PNPLA6: variants seen among roughly 807,000 people sequenced by gnomAD.
PNPLA6 encodes the protein patatin like domain 6, lysophospholipase, also known as patatin-like phospholipase domain-containing protein 6.
A neutral mutation model predicts 153.7 loss-of-function variants in PNPLA6; 105 were observed. That is an observed-to-expected ratio of 0.68 (90% CI 0.58 to 0.80). The LOEUF (loss-of-function observed/expected upper bound fraction) is 0.80. Among genes scored for constraint, PNPLA6 ranks in the 30% least tolerant of loss-of-function variants. The pLI is 0.00. For missense variants in PNPLA6, 1,423 were observed against 1,919.3 expected (o/e 0.74, Z 4.83); for synonymous variants, 825 against 822.2 (o/e 1.00, Z -0.06).
In PNPLA6 at chr19:7,539,865, C is replaced by T. The variant is rs999266105; in HGVS notation, c.414-53C>T. 1.0e-5 allele frequency: 13 copies of T among 1,294,810 alleles called. No individual in the cohort carries two copies. In the South Asian group the frequency reaches 1.0e-4, roughly 10 times the overall value. 80.2% of individuals were successfully genotyped at this position (1,294,810 alleles called of 1,614,324 possible). A position where few individuals can be genotyped will look rare whatever the true frequency, so the allele number is the denominator to read the frequency against. On this transcript the variant is annotated intron_variant, in intron 3 of 31. Transcript: ENST00000600737. ...GGGGTATGCGGGGGTCTTAGGTTTG[C>T]CTGAGCCTTCTCCGTGCCCCCCTCA...
chr19:7,550,866 C>T (rs1165692231), intron 16 of PNPLA6, 128 bp from the exon 17 acceptor site: 3 of 896,696 alleles, frequency 3.3e-6, no homozygotes, highest in South Asian at 1.5e-5. Context: ...GGGTAGCGAG[C>T]GAGGCTTGCT....
At chr19:7,536,069 A>G (rs927200102) in intron 1 of PNPLA6, 49 bp downstream of exon 1, 1 of 1,576,538 alleles carries the variant, frequency 6.3e-7, no homozygotes, top group African/African-American at 1.3e-5. Flanking sequence ...TGGGGGGCCC[A>G]AATGCCCGGG....
chr19:7,542,815 T>C lies in PNPLA6; in HGVS notation c.1417T>C (p.Cys473Arg). The C allele has an allele frequency of 6.2e-7, 1 of 1,613,090 alleles. No individual in the cohort carries two copies. Among genetic ancestry groups the C allele is most frequent in the Non-Finnish European group, 8.5e-7 (1 of 1,179,936 alleles). ...QPAGACEYSY[C>R]EDESATGGCP... ...GGCAGGCGCCTGTGAATACAGCTAC[T>C]GTGAGGATGAGTCGGCCACTGGTGG... The change falls in exon 12 of 32, where the codon TGT (cysteine) becomes CGT (arginine). Residue 473 changes from cysteine to arginine, a missense_variant. Coordinates refer to ENST00000600737, the MANE Select transcript of PNPLA6 (RefSeq NM_001166114.2).
rs369159451 is a variant in PNPLA6 at position 7,561,065 on chromosome 19, C to T, written c.3868C>T (p.Arg1290Trp). ...GFTDLAEIVS[R>W]IEPPTSYVSD... is the part of the protein sequence containing the mutation. ...CACTGACTTGGCAGAGATTGTGTCCCGGATTGAGCCCCCCACGAGCTATGT... is the reference window on the plus strand; with the variant it reads ...CACTGACTTGGCAGAGATTGTGTCCTGGATTGAGCCCCCCACGAGCTATGT... Residue 1290 changes from arginine (R) to tryptophan (W), a missense_variant, in exon 30 of 32, where the codon CGG (arginine) becomes TGG (tryptophan). Arg to Trp is a moderately radical substitution (Grantham distance 101). Around this residue, in one of 10 missense-constraint regions of PNPLA6, gnomAD observed 643 missense variants for 835.2 expected, o/e 0.77. Transcript: ENST00000600737. 2.5e-5 allele frequency: 40 copies of T among 1,613,444 alleles called. No homozygotes were observed. The highest frequency in any genetic ancestry group is 4.0e-5 in the African/African-American group (3 of 75,046).
In PNPLA6 at chr19:7,561,066, G is replaced by A. The variant is rs764729340; in HGVS notation, c.3869G>A (p.Arg1290Gln). ...ACTGACTTGGCAGAGATTGTGTCCC[G>A]GATTGAGCCCCCCACGAGCTATGTC... is the stretch of plus-strand genomic sequence containing the variant. Reference protein sequence around the residue: ...GFTDLAEIVSRIEPPTSYVSD... With the variant: ...GFTDLAEIVSQIEPPTSYVSD... Residue 1290 changes from arginine (R) to glutamine (Q), a missense_variant, in exon 30 of 32, where the codon CGG (arginine) becomes CAG (glutamine). This residue lies in a region of PNPLA6 where 643 missense variants were observed against 835.2 expected (regional missense o/e 0.77). Transcript: ENST00000600737. The A allele has an allele frequency of 8.1e-6, 13 of 1,613,272 alleles. No individual in the cohort carries two copies. The highest frequency in any genetic ancestry group is 4.0e-5 in the African/African-American group (3 of 74,896).
At position 7,555,188 on chromosome 19, in the gene PNPLA6, T is replaced by C; in HGVS notation, c.2818-61T>C. 1.3e-6 allele frequency: 2 copies of C among 1,526,146 alleles called. No individual in the cohort carries two copies. The highest frequency in any genetic ancestry group is 1.9e-5 in the Admixed American group (1 of 53,142). The allele number at this position is 1,526,146 out of a possible 1,614,324, so 94.5% of individuals were successfully genotyped here. On this transcript the variant is annotated intron_variant, in intron 22 of 31. Coordinates refer to ENST00000600737, the MANE Select transcript of PNPLA6 (RefSeq NM_001166114.2). This position sits in a 1 kb window ranked among gnomAD's most constrained non-coding sequence, Gnocchi z 6.3. Reference sequence around the variant, plus strand: ...ACAGGCTCGAAGGTCAGGGTACCCCTGGGGGATCCGCCGGACCCCGCCCTC... The same window carrying C: ...ACAGGCTCGAAGGTCAGGGTACCCCCGGGGGATCCGCCGGACCCCGCCCTC...
rs918437723 is a variant in PNPLA6, at chr19:7,536,391, T to C, written c.316-58T>C. On this transcript the variant is annotated intron_variant, in intron 2 of 31. Transcript: ENST00000600737. ...TTGATGGAGACCCCCTGGATCCGTCTGCCTCTTCTCCAAGGTCTGAATTAG... is the reference window on the plus strand; with the variant it reads ...TTGATGGAGACCCCCTGGATCCGTCCGCCTCTTCTCCAAGGTCTGAATTAG... The C allele has an allele frequency of 8.0e-5, 115 of 1,429,500 alleles. 2 individuals are homozygous for C. Among genetic ancestry groups the C allele is most frequent in the South Asian group, 5.5e-4 (48 of 87,292 alleles). 88.6% of individuals were successfully genotyped at this position (1,429,500 alleles called of 1,614,324 possible).
At position 7,535,729 on chromosome 19, in the gene PNPLA6, G is replaced by T. The variant is rs1323624286; in HGVS notation, c.-60G>T. On this transcript the variant is annotated 5_prime_UTR_variant, in exon 1 of 32. Transcript: ENST00000600737. The surrounding 1 kb of genome is among the most constrained non-coding windows in gnomAD (Gnocchi z 5.0). ...CGTTTCCCGGCATGCACTGCGGGCC[G>T]CCGGGCCTCAGGGAAGAGTCGCGCC... 1.8e-5 allele frequency: 28 copies of T among 1,518,494 alleles called. No homozygotes were observed. The highest frequency in any genetic ancestry group is 2.4e-5 in the Non-Finnish European group (27 of 1,132,990). 94.1% of individuals were successfully genotyped at this position (1,518,494 alleles called of 1,614,324 possible). A position where few individuals can be genotyped will look rare whatever the true frequency, so the allele number is the denominator to read the frequency against.
chr19:7,559,599 G>A (rs2024020657), intron 28 of PNPLA6, among the ~76,000 whole-genome samples: 1 of 151,640 alleles, frequency 6.6e-6, no homozygotes, highest in Non-Finnish European at 1.5e-5. Context: ...AGCACCTTGG[G>A]AAGCTGAGGT....
chr19:7,559,999 G>A (rs1446834949), intron 28 of PNPLA6, among the ~76,000 whole-genome samples: 2 of 152,048 alleles, frequency 1.3e-5, no homozygotes, highest in Non-Finnish European at 2.9e-5. Flanking sequence ...AATTAGCTGG[G>A]TGTGGTGGCA....
At chr19:7,560,512 G>A (rs574662437) in intron 28 of PNPLA6, 136 bp from the exon 29 acceptor site, 3 of 721,896 alleles carry the variant, frequency 4.2e-6, no homozygotes, top group East Asian at 2.6e-5. Flanking sequence ...ATGTGCAGCT[G>A]ACTCTGAAAT....
At chr19:7,548,245 G>A (rs941661784) in intron 13 of PNPLA6, among the ~76,000 whole-genome samples, 34 of 151,882 alleles carry the variant, frequency 2.2e-4, no homozygotes, top group Admixed American at 1.3e-4. Context: ...TTGGGAGGCT[G>A]AGGCAGGAGA....
chr19:7,535,704 C>T, upstream of PNPLA6: 3 of 1,523,350 alleles, frequency 2.0e-6, no homozygotes, highest in South Asian at 1.2e-5. The surrounding 1 kb of genome is among the most constrained non-coding windows in gnomAD (Gnocchi z 5.0). Flanking sequence ...GGCGGAACTA[C>T]GTTTCCCGGC....
chr19:7,556,470 G>A lies in PNPLA6; in HGVS notation c.3111G>A (p.Leu1037=), dbSNP rs1349466794. Residue 1037 remains leucine, a synonymous_variant, in exon 25 of 32, where the codon CTG becomes CTA. Coordinates refer to ENST00000600737, the MANE Select transcript of PNPLA6 (RefSeq NM_001166114.2). Reference sequence around the variant, plus strand: ...GTCCCTAGAGCATGACTTCGGTGCTGGAACCTGTGTTGGACCTCACGTACC... The same window carrying A: ...GTCCCTAGAGCATGACTTCGGTGCTAGAACCTGTGTTGGACCTCACGTACC... The part of the protein sequence containing the change: ...REWAKSMTSV[L]EPVLDLTYPV... 4 of 1,612,324 alleles carry A rather than the reference G, an allele frequency of 2.5e-6. No homozygotes were observed. Among genetic ancestry groups the A allele is most frequent in the Admixed American group, 1.7e-5 (1 of 59,986 alleles).
chr19:7,542,989 AC>A lies in PNPLA6; in HGVS notation c.1531-12del, dbSNP rs913161323. On this transcript the variant is annotated splice_polypyrimidine_tract_variant and intron_variant, in intron 12 of 31. Transcript: ENST00000600737. ...GGGAGGCCTGGCTGCGCCCATCTCA[AC>A]CCCCCTACCTCCCCAGGACCCCTCC... The A allele has an allele frequency of 8.7e-6, 14 of 1,613,182 alleles. No homozygotes were observed. The highest frequency in any genetic ancestry group is 1.7e-5 in the Admixed American group (1 of 59,950).
In PNPLA6 at chr19:7,540,711, G is replaced by A; in HGVS notation, c.795+1G>A. On this transcript the variant is annotated splice_donor_variant, in intron 6 of 31. Coordinates refer to ENST00000600737, the MANE Select transcript of PNPLA6 (RefSeq NM_001166114.2). LOFTEE classifies it high-confidence loss of function. This position sits in a 1 kb window ranked among gnomAD's most constrained non-coding sequence, Gnocchi z 6.8. ...TCTCAGCATCCTGGATGTCATCACC[G>A]TGAGTGACCAGTTTCTGAGGCAGGG... The A allele has an allele frequency of 6.2e-7, 1 of 1,611,898 alleles. No individual in the cohort carries two copies. Among genetic ancestry groups the A allele is most frequent in the Non-Finnish European group, 8.5e-7 (1 of 1,177,966 alleles).
At chr19:7,551,738 C>T (rs1418872754) in intron 18 of PNPLA6, among the ~76,000 whole-genome samples, 2 of 152,072 alleles carry the variant, frequency 1.3e-5, no homozygotes, top group Non-Finnish European at 2.9e-5. Context: ...GCGTAGTCTG[C>T]CCGGGAGTCA....
chr19:7,537,887 G>A (rs903590455), intron 3 of PNPLA6, among the ~76,000 whole-genome samples: 2 of 152,040 alleles, frequency 1.3e-5, no homozygotes, highest in Non-Finnish European at 1.5e-5. Context: ...TGATCCGTCC[G>A]CCTCGGCCTC....
In PNPLA6 at chr19:7,542,838, T is replaced by C; in HGVS notation, c.1440T>C (p.Gly480=). 6.2e-7 allele frequency: 1 copy of C among 1,612,990 alleles called. No homozygotes were observed. The highest frequency in any genetic ancestry group is 1.3e-5 in the African/African-American group (1 of 75,060). The change falls in exon 12 of 32, where the codon GGT becomes GGC. Residue 480 remains glycine (G), a synonymous_variant. Coordinates refer to ENST00000600737, the MANE Select transcript of PNPLA6 (RefSeq NM_001166114.2). The part of the protein sequence containing the change: ...YSYCEDESAT[G]GCPFGPYQGR... ...ACTGTGAGGATGAGTCGGCCACTGG[T>C]GGCTGCCCTTTCGGGCCCTACCAGG...
Sources: gnomAD v4.1 joint callset for allele counts (sites outside exome capture counted in the v4.1 genomes callset) on GRCh38, gnomAD v4.1.1 for gene constraint, gnomAD v4.1.1 regional missense constraint, Gnocchi (gnomAD v3.1) non-coding constraint, MANE v1.5 for transcripts, NCBI Gene and HGNC (gene_info 2026-07-23, HGNC 2026-07-21) for gene names.